Variants in MAF observed in about 807,000 individuals in gnomAD.
MAF encodes the protein transcription factor Maf.
In MAF, 10 loss-of-function variants were observed where a neutral mutation model predicts 22.0. The observed-to-expected ratio is 0.45, with a 90% CI of 0.28 to 0.77. The LOEUF (loss-of-function observed/expected upper bound fraction) is 0.77, where lower values mean the gene tolerates loss of function less well. Among genes scored for constraint, MAF ranks in the 30% least tolerant of loss-of-function variants. The pLI is 0.12. For synonymous variants in MAF, 337 were observed against 255.8 expected (o/e 1.32, Z -3.03); for missense variants, 544 against 548.4 (o/e 0.99, Z 0.08).
At chr16:79,413,156 T>A in the MAF span, among the ~76,000 whole-genome samples, 1 of 149,522 alleles carries the variant, frequency 6.7e-6, no homozygotes, top group South Asian at 2.1e-4. Flanking sequence ...CAAGCTTCCA[T>A]TATGGAGTTA....
At chr16:79,381,398 G>C in the MAF span, among the ~76,000 whole-genome samples, 4 of 152,214 alleles carry the variant, frequency 2.6e-5, no homozygotes, top group African/African-American at 9.6e-5. Flanking sequence ...GCCCAGATAA[G>C]TGTGTTTGTG....
the MAF span, among the ~76,000 whole-genome samples, chr16:79,289,567 A>C: frequency 6.6e-6 from 1 of 152,288 alleles, no homozygotes; most frequent in African/African-American, 2.4e-5. Context: ...TGTGCCTTAT[A>C]CTACGGGCGG....
At chr16:79,409,982 G>A in the MAF span, among the ~76,000 whole-genome samples, 49 of 152,296 alleles carry the variant, frequency 3.2e-4, 1 homozygote, top group African/African-American at 1.1e-3. Context: ...CTCTATATTT[G>A]AGTCCTTGTG....
At chr16:79,505,234 A>G in the MAF span, among the ~76,000 whole-genome samples, 1 of 152,332 alleles carries the variant, frequency 6.6e-6, no homozygotes, top group African/African-American at 2.4e-5. Flanking sequence ...AAAACAGCCA[A>G]AAAACACAAT....
chr16:79,440,273 C>A, the MAF span, among the ~76,000 whole-genome samples: 2 of 152,180 alleles, frequency 1.3e-5, no homozygotes, highest in Admixed American at 6.5e-5. Context: ...GAAGCACACA[C>A]CATATTCACA....
chr16:79,436,173 C>A, the MAF span, among the ~76,000 whole-genome samples: 2 of 152,154 alleles, frequency 1.3e-5, no homozygotes, highest in Non-Finnish European at 2.9e-5. Context: ...ACCTCTGCCT[C>A]CCAAGTTCAA....
chr16:79,320,991 G>A, the MAF span, among the ~76,000 whole-genome samples: 1 of 152,152 alleles, frequency 6.6e-6, no homozygotes, highest in Admixed American at 6.5e-5. Flanking sequence ...TCCAAGAGGT[G>A]GGGTTAGACC....
At chr16:79,559,230 C>T in the MAF span, among the ~76,000 whole-genome samples, 2 of 152,236 alleles carry the variant, frequency 1.3e-5, no homozygotes, top group African/African-American at 4.8e-5. Flanking sequence ...GGTTTGTGCA[C>T]ACACTTAACA....
chr16:79,258,904 G>T, the MAF span, among the ~76,000 whole-genome samples: 1 of 152,106 alleles, frequency 6.6e-6, no homozygotes, highest in Non-Finnish European at 1.5e-5. Flanking sequence ...GGGGAGGGAG[G>T]GTAGAGAGAA....
the MAF span, among the ~76,000 whole-genome samples, chr16:79,333,151 G>A: frequency 3.3e-5 from 5 of 152,198 alleles, no homozygotes; most frequent in Non-Finnish European, 4.4e-5. Context: ...CCATCTCAGC[G>A]GGTGATGGCG....
At chr16:79,508,768 G>C in the MAF span, among the ~76,000 whole-genome samples, 1 of 152,218 alleles carries the variant, frequency 6.6e-6, no homozygotes, top group Non-Finnish European at 1.5e-5. Flanking sequence ...ACACCAGAAA[G>C]GGCATGTCTC....
At chr16:79,214,702 G>A in the MAF span, among the ~76,000 whole-genome samples, 118 of 91,508 alleles carry the variant, frequency 1.3e-3, 1 homozygote, top group Admixed American at 2.8e-3. Flanking sequence ...ACTGTGCCTG[G>A]CTTTTTTTTT....
At chr16:79,518,080 T>C in the MAF span, among the ~76,000 whole-genome samples, 2 of 152,220 alleles carry the variant, frequency 1.3e-5, no homozygotes, top group African/African-American at 4.8e-5. Flanking sequence ...CTATTAACCT[T>C]TGTAGACATT....
chr16:79,365,128 T>C, the MAF span, among the ~76,000 whole-genome samples: 4 of 152,220 alleles, frequency 2.6e-5, no homozygotes, highest in Admixed American at 1.3e-4. Context: ...TTTACTAGTA[T>C]AGGAGCCCAA....
chr16:79,410,297 GC>G, the MAF span, among the ~76,000 whole-genome samples: 1 of 152,194 alleles, frequency 6.6e-6, no homozygotes, highest in Non-Finnish European at 1.5e-5. Flanking sequence ...TGCCCAATTT[GC>G]GAATCTTTCA....
At chr16:79,358,710 T>C in the MAF span, among the ~76,000 whole-genome samples, 1 of 152,210 alleles carries the variant, frequency 6.6e-6, no homozygotes, top group Non-Finnish European at 1.5e-5. Context: ...GCTGAGATGA[T>C]GGTGAGCACT....
the MAF span, among the ~76,000 whole-genome samples, chr16:79,257,673 T>C: frequency 1.3e-5 from 2 of 152,176 alleles, no homozygotes; most frequent in Non-Finnish European, 1.5e-5. Context: ...ATAACATCTA[T>C]GTCATCCCAT....
At chr16:79,592,746 T>G (rs111566314), downstream of MAF, among the ~76,000 whole-genome samples, 3 of 152,258 alleles carry the variant, frequency 2.0e-5, no homozygotes, top group African/African-American at 7.2e-5. Flanking sequence ...GAGATAAAAA[T>G]TGTAGCCTAT....
the MAF span, among the ~76,000 whole-genome samples, chr16:79,525,385 C>A: frequency 1.3e-5 from 2 of 152,228 alleles, no homozygotes; most frequent in African/African-American, 4.8e-5. Flanking sequence ...GCCATGCGCT[C>A]GGAGGGGACA....
Sources: gnomAD v4.1 joint callset for allele counts (sites outside exome capture counted in the v4.1 genomes callset) on GRCh38, gnomAD v4.1.1 for gene constraint, MANE v1.5 for transcripts, NCBI Gene and HGNC (gene_info 2026-07-23, HGNC 2026-07-21) for gene names.